The following ATP6V1H variants were observed in gnomAD, a reference collection of about 807,000 sequenced individuals.
ATP6V1H encodes the protein ATPase H+ transporting V1 subunit H.
A neutral mutation model predicts 71.7 loss-of-function variants in ATP6V1H; 39 were observed. The ratio of observed to expected loss-of-function variants is 0.54; its 90% CI spans 0.42 to 0.71. The LOEUF (loss-of-function observed/expected upper bound fraction) is 0.71, where lower values mean the gene tolerates loss of function less well. ATP6V1H is among the 30% of genes least tolerant of loss of function. The pLI is 0.00. For synonymous variants in ATP6V1H, 192 were observed against 199.3 expected, an observed-to-expected ratio of 0.96 and a Z score of 0.31; for missense variants, 509 against 594.9, an observed-to-expected ratio of 0.86 and a Z score of 1.50.
At position 53,715,674 on chromosome 8, in the gene ATP6V1H, G is replaced by A. The variant is rs1285622266; in HGVS notation, c.*290C>T. On this transcript the variant is annotated 3_prime_UTR_variant, in exon 14 of 14. Coordinates refer to ENST00000359530, the MANE Select transcript of ATP6V1H (RefSeq NM_015941.4). ...CAAGTAAAGAGAGAGGCCATGTTTG[G>A]AGTGAGAATCCTTTAATAACTATAT... 1.0e-5 allele frequency: 3 copies of A among 294,060 alleles called. No individual in the cohort carries two copies. Among genetic ancestry groups the A allele is most frequent in the South Asian group, 1.6e-4 (1 of 6,438 alleles). 18.2% of individuals were successfully genotyped at this position (294,060 alleles called of 1,614,324 possible). A position where few individuals can be genotyped will look rare whatever the true frequency, so the allele number is the denominator to read the frequency against.
chr8:53,751,092 G>A (rs530163693), intron 12 of ATP6V1H, among the ~76,000 whole-genome samples: 37 of 151,988 alleles, frequency 2.4e-4, no homozygotes, highest in Admixed American at 2.0e-3. Context: ...TGAAAACCAA[G>A]CAGGCGAGTT....
At chr8:53,769,421 A>T (rs1033778959) in intron 11 of ATP6V1H, among the ~76,000 whole-genome samples, 197 bp downstream of exon 11, 1 of 152,330 alleles carries the variant, frequency 6.6e-6, no homozygotes, top group African/African-American at 2.4e-5. Context: ...GAAAGAAAAT[A>T]GACTTGAACA....
At chr8:53,778,809 G>C (rs142438929) in intron 9 of ATP6V1H, among the ~76,000 whole-genome samples, 287 of 152,284 alleles carry the variant, frequency 1.9e-3, no homozygotes, top group African/African-American at 6.2e-3. Context: ...TAAGACCCAA[G>C]GATGTGTTGC....
intron 5 of ATP6V1H, among the ~76,000 whole-genome samples, chr8:53,815,677 A>G (rs998793215): frequency 9.2e-5 from 14 of 152,224 alleles, no homozygotes; most frequent in African/African-American, 3.4e-4. Context: ...ATGCCCAGCT[A>G]AATGAATTTA....
chr8:53,743,400 C>T (rs1047516986), intron 13 of ATP6V1H, among the ~76,000 whole-genome samples, 177 bp downstream of exon 13: 4 of 151,990 alleles, frequency 2.6e-5, no homozygotes, highest in South Asian at 2.1e-4. Context: ...TAGTGCAGTC[C>T]GTCTTTATAA....
intron 13 of ATP6V1H, among the ~76,000 whole-genome samples, chr8:53,734,743 G>A (rs1251963199): frequency 6.6e-6 from 1 of 152,164 alleles, no homozygotes; most frequent in Non-Finnish European, 1.5e-5. Context: ...GGCTGACTCA[G>A]AGGCTCGGAA....
At chr8:53,774,838 A>AAC (rs1808804765) in intron 9 of ATP6V1H, among the ~76,000 whole-genome samples, 3 of 152,208 alleles carry the variant, frequency 2.0e-5, no homozygotes, top group African/African-American at 7.2e-5. Context: ...GAGACAGAGG[A>AAC]CAATTCAGAG....
At chr8:53,823,631 C>T (rs1810732084) in intron 4 of ATP6V1H, among the ~76,000 whole-genome samples, 2 of 152,136 alleles carry the variant, frequency 1.3e-5, no homozygotes, top group African/African-American at 4.8e-5. Context: ...CATGCGCCAC[C>T]ACACCTGGCT....
At chr8:53,784,293 T>G (rs558205551) in intron 9 of ATP6V1H, among the ~76,000 whole-genome samples, 1 of 152,318 alleles carries the variant, frequency 6.6e-6, no homozygotes, top group East Asian at 1.9e-4. Flanking sequence ...TACCATTATG[T>G]AATGGCCTTG....
At chr8:53,795,389 A>G (rs889855421) in intron 9 of ATP6V1H, among the ~76,000 whole-genome samples, 3 of 152,212 alleles carry the variant, frequency 2.0e-5, no homozygotes, top group Non-Finnish European at 4.4e-5. Context: ...GACTTCCTCC[A>G]TCTGAACATA....
At chr8:53,771,484 G>A (rs986777830) in intron 10 of ATP6V1H, among the ~76,000 whole-genome samples, 1 of 152,156 alleles carries the variant, frequency 6.6e-6, no homozygotes, top group African/African-American at 2.4e-5. Context: ...AGAGACCCGA[G>A]GGAGAGTGAG....
intron 4 of ATP6V1H, among the ~76,000 whole-genome samples, chr8:53,828,865 C>T (rs1452817616): frequency 6.6e-6 from 1 of 152,194 alleles, no homozygotes; most frequent in Non-Finnish European, 1.5e-5. Context: ...AACTGCTCTA[C>T]ATACCAACCA....
chr8:53,828,523 A>T (rs551390443), intron 4 of ATP6V1H, among the ~76,000 whole-genome samples: 67 of 152,350 alleles, frequency 4.4e-4, no homozygotes, highest in Non-Finnish European at 5.6e-4. Flanking sequence ...ATGGCAGATC[A>T]TAACATTCAC....
At chr8:53,746,769 C>T (rs1413075767) in intron 12 of ATP6V1H, among the ~76,000 whole-genome samples, 2 of 151,744 alleles carry the variant, frequency 1.3e-5, no homozygotes, top group African/African-American at 4.8e-5. Flanking sequence ...ATCATGAATG[C>T]TTGAAAAAAA....
intron 11 of ATP6V1H, among the ~76,000 whole-genome samples, chr8:53,757,982 T>G (rs1158674989): frequency 6.6e-6 from 1 of 152,248 alleles, no homozygotes; most frequent in Non-Finnish European, 1.5e-5. Context: ...CGGAAGAGAC[T>G]ATGGCCTGCT....
intron 11 of ATP6V1H, among the ~76,000 whole-genome samples, chr8:53,760,879 C>A (rs1808249173): frequency 6.6e-6 from 1 of 152,114 alleles, no homozygotes; most frequent in African/African-American, 2.4e-5. Context: ...TCTCAGGGCT[C>A]CTTAAGACTG....
chr8:53,775,088 G>A (rs1413195849), intron 9 of ATP6V1H, among the ~76,000 whole-genome samples: 1 of 152,220 alleles, frequency 6.6e-6, no homozygotes, highest in Non-Finnish European at 1.5e-5. Context: ...GTTCAGATGT[G>A]TTCGGAGTTT....
At position 53,829,317 on chromosome 8, in the gene ATP6V1H, G is replaced by C. The variant is rs185614977; in HGVS notation, c.306+127C>G. On this transcript the variant is annotated intron_variant, in intron 4 of 13. Coordinates refer to ENST00000359530, the MANE Select transcript of ATP6V1H (RefSeq NM_015941.4). ...AGCAAATTACAACCCACATAAATGA[G>C]AAAAATATATTATTATGCTCTAGAA... 528 of 621,510 alleles carry C rather than the reference G, an allele frequency of 8.5e-4. 3 individuals are homozygous for C. The East Asian group carries it at 0.015, about 18-fold the overall frequency. The allele number at this position is 621,510 out of a possible 1,614,324, so 38.5% of individuals were successfully genotyped here.
intron 11 of ATP6V1H, among the ~76,000 whole-genome samples, chr8:53,760,639 A>G (rs1020374203): frequency 1.3e-5 from 2 of 152,142 alleles, no homozygotes; most frequent in African/African-American, 4.8e-5. Context: ...TATTTCCTCC[A>G]AGGAGGCAAG....
Sources: gnomAD v4.1 joint callset for allele counts (sites outside exome capture counted in the v4.1 genomes callset) on GRCh38, gnomAD v4.1.1 for gene constraint, MANE v1.5 for transcripts, NCBI Gene and HGNC (gene_info 2026-07-23, HGNC 2026-07-21) for gene names.